Variants in ME1 observed in about 807,000 individuals in gnomAD.
The protein encoded by ME1 is NADP-dependent malic enzyme.
Under a neutral mutation model 66.4 loss-of-function variants are expected in ME1, and 74 were observed. The ratio of observed to expected loss-of-function variants is 1.11; its 90% CI spans 0.92 to 1.35. The LOEUF (loss-of-function observed/expected upper bound fraction) is 1.35. Ranked by LOEUF, ME1 falls within the 40% of genes most tolerant of loss-of-function variation. The pLI is 0.00. For missense variants in ME1, 750 were observed against 694.1 expected (o/e 1.08, Z -0.90); for synonymous variants, 251 against 235.6 (o/e 1.07, Z -0.60).
chr6:83,232,690 T>C (rs1790328315), intron 9 of ME1, among the ~76,000 whole-genome samples: 3 of 152,176 alleles, frequency 2.0e-5, no homozygotes. Flanking sequence ...TTAACCATCA[T>C]TCAGGGTGAA....
intron 5 of ME1, among the ~76,000 whole-genome samples, chr6:83,320,977 T>G (rs532841454): frequency 6.6e-6 from 1 of 152,144 alleles, no homozygotes; most frequent in South Asian, 2.1e-4. Flanking sequence ...TGGGATGGGT[T>G]AGACAGTGGG....
At chr6:83,284,351 A>C (rs990523718) in intron 6 of ME1, among the ~76,000 whole-genome samples, 2 of 151,880 alleles carry the variant, frequency 1.3e-5, no homozygotes, top group East Asian at 1.9e-4. Flanking sequence ...AAATTACCCC[A>C]AAAAAAATCA....
rs111474925 is a variant in ME1, at chr6:83,347,090, A to G, written c.439-756T>C. ...TGTCTCAGCCTCCCAAGTAGCTGGGATTACAGGCGCCCGCCACCACGCCCG... is the reference window on the plus strand; with the variant it reads ...TGTCTCAGCCTCCCAAGTAGCTGGGGTTACAGGCGCCCGCCACCACGCCCG... On this transcript the variant is annotated intron_variant, in intron 4 of 13. Transcript: ENST00000369705. 5.2e-3 allele frequency among the ~76,000 whole-genome samples: 797 copies of G among 152,150 alleles called. 11 individuals are homozygous for G. Among genetic ancestry groups the G allele is most frequent in the African/African-American group, 0.018 (744 of 41,496 alleles).
At chr6:83,286,344 C>T (rs1007713789) in intron 6 of ME1, among the ~76,000 whole-genome samples, 1 of 152,118 alleles carries the variant, frequency 6.6e-6, no homozygotes, top group Admixed American at 6.6e-5. Context: ...TCGTTATTAA[C>T]ATTGATGGAA....
intron 3 of ME1, among the ~76,000 whole-genome samples, chr6:83,360,465 C>T (rs923995472): frequency 1.3e-5 from 2 of 152,056 alleles, no homozygotes; most frequent in African/African-American, 4.8e-5. Context: ...ACAGTGAGTC[C>T]CTGGACTCAT....
chr6:83,366,762 A>G (rs1008389402), intron 3 of ME1, among the ~76,000 whole-genome samples: 1 of 152,204 alleles, frequency 6.6e-6, no homozygotes, highest in Non-Finnish European at 1.5e-5. Context: ...GTTTCCAGAA[A>G]TCAAAAGACT....
At chr6:83,296,577 A>G (rs989051530) in intron 6 of ME1, among the ~76,000 whole-genome samples, 1 of 152,194 alleles carries the variant, frequency 6.6e-6, no homozygotes, top group Admixed American at 6.5e-5. Flanking sequence ...AATGGGTAAA[A>G]GCTGGGAGCA....
intron 6 of ME1, 46 bp downstream of exon 6, chr6:83,315,259 CTGTTA>C (rs1387686002): frequency 1.8e-6 from 2 of 1,100,556 alleles, no homozygotes; most frequent in Non-Finnish European, 2.7e-6. Context: ...TTTTAATAGT[CTGTTA>C]TGTTATTGTT....
intron 6 of ME1, among the ~76,000 whole-genome samples, chr6:83,256,915 A>G (rs1237634643): frequency 6.6e-6 from 1 of 152,064 alleles, no homozygotes; most frequent in Non-Finnish European, 1.5e-5. Flanking sequence ...GCTGGAAACC[A>G]TCATTCTCAG....
chr6:83,253,782 C>T (rs1382174837), intron 6 of ME1, 44 bp from the exon 7 acceptor site: 6 of 992,680 alleles, frequency 6.0e-6, no homozygotes, highest in South Asian at 4.3e-5. Context: ...TAATAAAATG[C>T]TATTTAAAAA....
At chr6:83,397,288 A>T (rs982724257) in intron 3 of ME1, among the ~76,000 whole-genome samples, 3 of 152,198 alleles carry the variant, frequency 2.0e-5, no homozygotes, top group Admixed American at 6.5e-5. Context: ...ACAAGAAAAC[A>T]AATAACCTGT....
chr6:83,402,260 C>CA (rs950552493), intron 2 of ME1, among the ~76,000 whole-genome samples: 3 of 151,942 alleles, frequency 2.0e-5, no homozygotes, highest in African/African-American at 7.2e-5. Flanking sequence ...AATCAGTGTC[C>CA]AAAAAAATGG....
At chr6:83,264,654 GA>G (rs1766956196) in intron 6 of ME1, among the ~76,000 whole-genome samples, 1 of 152,174 alleles carries the variant, frequency 6.6e-6, no homozygotes, top group Non-Finnish European at 1.5e-5. Context: ...GATGTTAGCA[GA>G]GGAAGTCACT....
intron 3 of ME1, among the ~76,000 whole-genome samples, chr6:83,364,309 G>T (rs867853436): frequency 1.8e-4 from 27 of 152,206 alleles, no homozygotes; most frequent in South Asian, 4.2e-4. Flanking sequence ...TTGGAACTCA[G>T]ACTGGCTCTC....
intron 6 of ME1, among the ~76,000 whole-genome samples, chr6:83,270,352 T>C (rs1167684925): frequency 1.3e-5 from 2 of 152,068 alleles, no homozygotes; most frequent in Non-Finnish European, 2.9e-5. Flanking sequence ...GATTTCTTGT[T>C]AAACGATCTA....
intron 3 of ME1, among the ~76,000 whole-genome samples, chr6:83,375,519 T>C (rs185588546): frequency 3.3e-5 from 5 of 152,144 alleles, no homozygotes; most frequent in Non-Finnish European, 5.9e-5. Context: ...TTTCTAGATA[T>C]AGGATCATGT....
Position 83,388,087 on chromosome 6 carries a change from C to T in ME1, c.362+10280G>A, listed in dbSNP as rs1340598409. The stretch of plus-strand genomic sequence containing the variant: ...CCTTTCTTCCTTCTTTCCTTCCTTC[C>T]TTCCTTTTTTTTTTTGGACAGGATC... On this transcript the variant is annotated intron_variant, in intron 3 of 13. Transcript: ENST00000369705. 2.7e-5 allele frequency among the ~76,000 whole-genome samples: 3 copies of T among 113,206 alleles called. No homozygotes were observed. The East Asian group carries it at 7.3e-4, about 27-fold the overall frequency. The allele number at this position is 113,206 out of a possible 152,430, so 74.3% of individuals were successfully genotyped here. A position where few individuals can be genotyped will look rare whatever the true frequency, so the allele number is the denominator to read the frequency against.
intron 3 of ME1, among the ~76,000 whole-genome samples, chr6:83,373,094 A>G (rs1214675912): frequency 6.6e-6 from 1 of 152,248 alleles, no homozygotes; most frequent in Non-Finnish European, 1.5e-5. Context: ...GATATTAGAT[A>G]ACACTTTATT....
At position 83,322,673 on chromosome 6, in the gene ME1, C is replaced by T. The variant is rs188135224; in HGVS notation, c.601-7260G>A. The stretch of plus-strand genomic sequence containing the variant: ...GGACTATGTGAAAAGGCCAAACTGA[C>T]GTTTGGTTGGTGTACCTGAAAGTGA... On this transcript the variant is annotated intron_variant, in intron 5 of 13. Coordinates refer to ENST00000369705, the MANE Select transcript of ME1 (RefSeq NM_002395.6). 1.2e-4 allele frequency among the ~76,000 whole-genome samples: 19 copies of T among 152,244 alleles called. No homozygotes were observed. In the East Asian group the frequency reaches 3.3e-3, roughly 26 times the overall value.
Sources: gnomAD v4.1 joint callset for allele counts (sites outside exome capture counted in the v4.1 genomes callset) on GRCh38, gnomAD v4.1.1 for gene constraint, MANE v1.5 for transcripts, NCBI Gene and HGNC (gene_info 2026-07-23, HGNC 2026-07-21) for gene names.